Variants in KIAA1217 observed in about 807,000 individuals in gnomAD.
The protein encoded by KIAA1217 is KIAA1217, also known as sickle tail protein homolog.
Under a neutral mutation model 163.9 loss-of-function variants are expected in KIAA1217, and 88 were observed. The ratio of observed to expected loss-of-function variants is 0.54; its 90% confidence interval spans 0.45 to 0.64. KIAA1217 has a LOEUF of 0.64. KIAA1217 is among the 30% of genes least tolerant of loss of function. KIAA1217 has a pLI of 0.00. For synonymous variants in KIAA1217, 903 were observed against 923.1 expected, an observed-to-expected ratio of 0.98 and a Z score of 0.39; for missense variants, 2,372 against 2,475.0, an observed-to-expected ratio of 0.96 and a Z score of 0.88.
chr10:24,053,729 G>T (rs1849682212), intron 2 of KIAA1217, among the ~76,000 whole-genome samples: 1 of 152,110 alleles, frequency 6.6e-6, no homozygotes, highest in Admixed American at 6.6e-5. Context: ...CATTGTTCTT[G>T]CCCTGAGGAG....
At chr10:24,291,300 G>A (rs539014345) in intron 2 of KIAA1217, among the ~76,000 whole-genome samples, 7 of 152,088 alleles carry the variant, frequency 4.6e-5, no homozygotes, top group Admixed American at 6.5e-5. Context: ...AGGCTGAGGC[G>A]GGCGGATCAC....
chr10:24,297,933 C>T (rs1481019215), intron 2 of KIAA1217, among the ~76,000 whole-genome samples: 1 of 151,360 alleles, frequency 6.6e-6, no homozygotes, highest in Non-Finnish European at 1.5e-5. Context: ...TACTAGATAC[C>T]TTGCAAGGCA....
intron 1 of KIAA1217, among the ~76,000 whole-genome samples, chr10:23,805,357 A>G (rs1195323388): frequency 3.9e-5 from 6 of 152,188 alleles, no homozygotes; most frequent in African/African-American, 1.4e-4. Flanking sequence ...AAAAAAGAAT[A>G]CGATCATGTC....
rs780234432 is a variant in KIAA1217 at position 24,543,548 on chromosome 10, A to C, written c.4278A>C (p.Gln1426His). 1.2e-6 allele frequency: 2 copies of C among 1,614,052 alleles called. No homozygotes were observed. Among genetic ancestry groups the C allele is most frequent in the African/African-American group, 2.7e-5 (2 of 74,920 alleles). The change falls in exon 19 of 21, where the codon CAA becomes CAC. Residue 1426 changes from glutamine to histidine, a missense_variant. Coordinates refer to ENST00000376454, the MANE Select transcript of KIAA1217 (RefSeq NM_019590.5). ...IDARKEMTPR[Q>H]EGTDNEDPVV... The stretch of plus-strand genomic sequence containing the variant: ...CCAGAAAAGAGATGACCCCCCGACA[A>C]GAAGGGACTGACAATGAGGATCCAG...
At chr10:23,991,832 G>C (rs1564593402) in intron 1 of KIAA1217, among the ~76,000 whole-genome samples, 1 of 152,122 alleles carries the variant, frequency 6.6e-6, no homozygotes, top group Non-Finnish European at 1.5e-5. Flanking sequence ...AAAATAATCT[G>C]TTGGGGGCAG....
At chr10:24,228,173 G>C (rs1237672153) in intron 2 of KIAA1217, among the ~76,000 whole-genome samples, 1 of 151,966 alleles carries the variant, frequency 6.6e-6, no homozygotes, top group African/African-American at 2.4e-5. Flanking sequence ...GAGGTGGGAG[G>C]ATCAATTGAG....
intron 2 of KIAA1217, among the ~76,000 whole-genome samples, chr10:24,078,417 T>A (rs139339826): frequency 6.6e-6 from 1 of 152,314 alleles, no homozygotes; most frequent in Non-Finnish European, 1.5e-5. Context: ...CTAACATAGA[T>A]GGGCAGCTTT....
chr10:24,176,207 T>A (rs979649640), intron 2 of KIAA1217, among the ~76,000 whole-genome samples: 17 of 152,062 alleles, frequency 1.1e-4, no homozygotes, highest in African/African-American at 3.9e-4. Flanking sequence ...TTTACAATCC[T>A]CTAGCTAGAC....
intron 2 of KIAA1217, among the ~76,000 whole-genome samples, chr10:24,032,074 C>G (rs1396415791): frequency 1.0e-5 from 1 of 96,830 alleles, no homozygotes; most frequent in Non-Finnish European, 2.3e-5. Context: ...TATGAATAAC[C>G]TCTTCTTTTT....
intron 2 of KIAA1217, among the ~76,000 whole-genome samples, chr10:24,277,608 C>T (rs1185746456): frequency 6.6e-6 from 1 of 152,188 alleles, no homozygotes; most frequent in African/African-American, 2.4e-5. Flanking sequence ...AGTGAGTTCT[C>T]ATGAAAGCTG....
intron 2 of KIAA1217, among the ~76,000 whole-genome samples, chr10:24,043,153 C>A (rs1564631450): frequency 1.3e-5 from 2 of 152,252 alleles, no homozygotes; most frequent in East Asian, 3.9e-4. Flanking sequence ...GCAATGAAAT[C>A]ATAGCTGCTA....
intron 1 of KIAA1217, among the ~76,000 whole-genome samples, chr10:23,966,774 A>G (rs1354428183): frequency 1.3e-5 from 2 of 152,212 alleles, no homozygotes; most frequent in Admixed American, 6.5e-5. Flanking sequence ...GAAGAAAGTA[A>G]TAATGTAGTA....
intron 2 of KIAA1217, among the ~76,000 whole-genome samples, chr10:24,167,121 T>C (rs1377433215): frequency 6.6e-6 from 1 of 152,058 alleles, no homozygotes; most frequent in Non-Finnish European, 1.5e-5. Context: ...TTAAAAAATA[T>C]ATTGAATGAC....
At chr10:24,015,807 A>G (rs1847455539) in intron 2 of KIAA1217, among the ~76,000 whole-genome samples, 1 of 151,822 alleles carries the variant, frequency 6.6e-6, no homozygotes, top group Non-Finnish European at 1.5e-5. Flanking sequence ...AGAAATAGAA[A>G]CGTAAAATCC....
chr10:23,906,491 A>G (rs1589051248), intron 1 of KIAA1217, among the ~76,000 whole-genome samples: 1 of 152,300 alleles, frequency 6.6e-6, no homozygotes, highest in East Asian at 1.9e-4. Flanking sequence ...AACTAAAATT[A>G]TGATAAATTT....
intron 1 of KIAA1217, among the ~76,000 whole-genome samples, chr10:23,800,459 C>A (rs1437272418): frequency 6.6e-6 from 1 of 152,010 alleles, no homozygotes; most frequent in Non-Finnish European, 1.5e-5. Context: ...AGTGGTCACA[C>A]CATTCATCTC....
chr10:24,035,515 C>G (rs1041820916), intron 2 of KIAA1217, among the ~76,000 whole-genome samples: 1 of 152,172 alleles, frequency 6.6e-6, no homozygotes, highest in Non-Finnish European at 1.5e-5. Context: ...CACCAATGTG[C>G]TGATACACTG....
chr10:24,006,112 T>C (rs1846985487), intron 1 of KIAA1217, among the ~76,000 whole-genome samples: 1 of 152,218 alleles, frequency 6.6e-6, no homozygotes, highest in African/African-American at 2.4e-5. Flanking sequence ...ATGACAATAT[T>C]CATAACTATT....
intron 3 of KIAA1217, among the ~76,000 whole-genome samples, chr10:24,407,647 A>G (rs1441350185): frequency 6.6e-6 from 1 of 152,164 alleles, no homozygotes; most frequent in African/African-American, 2.4e-5. Flanking sequence ...AAGGCAAAGT[A>G]TCAGAAAGAA....
Sources: gnomAD v4.1 joint callset for allele counts (sites outside exome capture counted in the v4.1 genomes callset) on GRCh38, gnomAD v4.1.1 for gene constraint, MANE v1.5 for transcripts, NCBI Gene and HGNC (gene_info 2026-07-23, HGNC 2026-07-21) for gene names.